Variants in ITSN2 observed in about 807,000 individuals in gnomAD.
ITSN2 encodes the protein intersectin-2.
ITSN2 carries 156 observed loss-of-function variants against 243.7 expected under a neutral mutation model. That is an observed-to-expected ratio of 0.64 (90% CI 0.56 to 0.73). The LOEUF is 0.73. ITSN2 is among the 30% of genes least tolerant of loss of function. ITSN2 has a pLI of 0.00. For missense variants in ITSN2, 1,801 were observed against 1,996.1 expected, an observed-to-expected ratio of 0.90 and a Z score of 1.86; for synonymous variants, 703 against 699.9, an observed-to-expected ratio of 1.00 and a Z score of -0.07.
chr2:24,291,344 G>C (rs1162015372), intron 15 of ITSN2, among the ~76,000 whole-genome samples: 1 of 152,096 alleles, frequency 6.6e-6, no homozygotes, highest in African/African-American at 2.4e-5. Flanking sequence ...GGCCAGGCTG[G>C]TCTCAAACTC....
chr2:24,276,131 T>C (rs1677988044), intron 17 of ITSN2, among the ~76,000 whole-genome samples: 1 of 152,198 alleles, frequency 6.6e-6, no homozygotes, highest in Admixed American at 6.5e-5. Flanking sequence ...TGGTACATCA[T>C]TTTCAATTAA....
At chr2:24,305,764 G>A (rs1293399099) in intron 8 of ITSN2, among the ~76,000 whole-genome samples, 1 of 151,946 alleles carries the variant, frequency 6.6e-6, no homozygotes, top group African/African-American at 2.4e-5. Flanking sequence ...CTTTACCCTT[G>A]TAGGTCTCAG....
Position 24,261,237 on chromosome 2 carries a change from T to G in ITSN2, c.2551A>C (p.Asn851His). Residue 851 changes from asparagine (N) to histidine (H), a missense_variant, in exon 22 of 40, where the codon AAT becomes CAT. By Grantham distance (68) the Asn-to-His change is moderately conservative. Transcript: ENST00000355123. The part of the protein sequence containing the change: ...TSTSSEPLSS[N>H]QPASVTDYQN... ...TAATCAGTCACTGATGCTGGTTGAT[T>G]TGAAGAAAGTGGTCTGCAAATATAA... 3 of 1,611,316 alleles carry G rather than the reference T, an allele frequency of 1.9e-6. No individual in the cohort carries two copies. Among genetic ancestry groups the G allele is most frequent in the Non-Finnish European group, 2.5e-6 (3 of 1,177,900 alleles).
intron 1 of ITSN2, among the ~76,000 whole-genome samples, chr2:24,342,811 C>A (rs917569117): frequency 6.6e-6 from 1 of 151,904 alleles, no homozygotes; most frequent in African/African-American, 2.4e-5. Flanking sequence ...GAAGGGCTGG[C>A]CTGGCACAGT....
chr2:24,342,629 C>T (rs1469710209), intron 1 of ITSN2, among the ~76,000 whole-genome samples: 1 of 151,184 alleles, frequency 6.6e-6, no homozygotes, highest in Non-Finnish European at 1.5e-5. Context: ...ATGACTCAAC[C>T]AGATATGTGC....
intron 9 of ITSN2, among the ~76,000 whole-genome samples, chr2:24,302,946 A>G (rs1277575167): frequency 6.6e-6 from 1 of 152,190 alleles, no homozygotes; most frequent in African/African-American, 2.4e-5. Context: ...CCTACCACCT[A>G]AGGACACTGT....
intron 1 of ITSN2, among the ~76,000 whole-genome samples, chr2:24,355,916 A>C (rs1688403726): frequency 6.6e-6 from 1 of 151,592 alleles, no homozygotes; most frequent in Non-Finnish European, 1.5e-5. Context: ...AAAAAATTAC[A>C]AAAAGGCCAG....
rs1683350304 is a variant in ITSN2, at chr2:24,312,339, A to G, written c.225T>C (p.Asp75=). ...LSDLNKDGKM[D]QQEFSIAMKL... The stretch of plus-strand genomic sequence containing the variant: ...TCATAGCTATGGAGAACTCTTGCTG[A>G]TCCATCTTCCCATCCTTGTTTAGGT... The change falls in exon 5 of 40, where the codon GAT becomes GAC. Residue 75 remains aspartate, a synonymous_variant. Coordinates refer to ENST00000355123, the MANE Select transcript of ITSN2 (RefSeq NM_006277.3). 6.2e-7 allele frequency: 1 copy of G among 1,612,640 alleles called. No homozygotes were observed. The highest frequency in any genetic ancestry group is 8.5e-7 in the Non-Finnish European group (1 of 1,179,250).
chr2:24,211,554 G>A lies in ITSN2; in HGVS notation c.4090-607C>T, dbSNP rs1383456416. On this transcript the variant is annotated intron_variant, in intron 33 of 39. Transcript: ENST00000355123. This position sits in a 1 kb window ranked among gnomAD's most constrained non-coding sequence, Gnocchi z 4.1. ...CGTGTGTGGTCCCTCCAGAAATTAG[G>A]AGCCATCACCAGATGCCCCGTCTGG... 4.6e-5 allele frequency among the ~76,000 whole-genome samples: 7 copies of A among 152,146 alleles called. No homozygotes were observed. The highest frequency in any genetic ancestry group is 7.4e-5 in the Non-Finnish European group (5 of 68,026).
In ITSN2 at chr2:24,340,480, C is replaced by CA. The variant is rs953572108; in HGVS notation, c.-33-12366dup. Reference sequence around the variant, plus strand: ...TGGGTGACAGAACGAAACTCCATCTCAAAAAAAAAAAAAAGTTGAATGTAC... The same window carrying CA: ...TGGGTGACAGAACGAAACTCCATCTCAAAAAAAAAAAAAAAGTTGAATGTAC... On this transcript the variant is annotated intron_variant, in intron 1 of 39. Coordinates refer to ENST00000355123, the MANE Select transcript of ITSN2 (RefSeq NM_006277.3). Among the ~76,000 whole-genome samples the CA allele has an allele frequency of 3.9e-3, 496 of 125,766 alleles. 1 individual carries two copies. Among genetic ancestry groups the CA allele is most frequent in the Middle Eastern group, 8.7e-3 (2 of 230 alleles). The allele number at this position is 125,766 out of a possible 152,430, so 82.5% of individuals were successfully genotyped here.
chr2:24,277,546 T>G (rs1428520082), intron 17 of ITSN2, among the ~76,000 whole-genome samples: 1 of 152,204 alleles, frequency 6.6e-6, no homozygotes, highest in African/African-American at 2.4e-5. Flanking sequence ...TTCTCTAAAT[T>G]CTATTGAAAA....
intron 1 of ITSN2, among the ~76,000 whole-genome samples, chr2:24,359,967 G>C (rs1286432463): frequency 1.3e-5 from 2 of 152,156 alleles, no homozygotes; most frequent in Non-Finnish European, 2.9e-5. Context: ...AGGGGGCCAC[G>C]CCACCCCCGA....
chr2:24,295,546 G>T (rs1331958481), intron 14 of ITSN2, 118 bp downstream of exon 14: 14 of 678,236 alleles, frequency 2.1e-5, no homozygotes, highest in Non-Finnish European at 2.5e-5. Context: ...TGACCTCAGG[G>T]GATCCACCCG....
chr2:24,205,602 C>T (rs528751171), intron 37 of ITSN2: 2 of 342,798 alleles, frequency 5.8e-6, no homozygotes, highest in East Asian at 6.2e-5. Context: ...GTATCCCTCG[C>T]TTATGAGCAG....
intron 24 of ITSN2, among the ~76,000 whole-genome samples, chr2:24,252,801 T>C (rs965844804): frequency 1.3e-5 from 2 of 152,232 alleles, no homozygotes; most frequent in Non-Finnish European, 2.9e-5. Context: ...CAGATAATAG[T>C]ATCTCTATAG....
intron 17 of ITSN2, among the ~76,000 whole-genome samples, chr2:24,278,082 T>G (rs1361671158): frequency 6.6e-6 from 1 of 152,180 alleles, no homozygotes; most frequent in Non-Finnish European, 1.5e-5. Context: ...TATTATTGGA[T>G]GAAGTCAAAA....
chr2:24,337,582 C>T (rs1029849192), intron 1 of ITSN2, among the ~76,000 whole-genome samples: 14 of 148,938 alleles, frequency 9.4e-5, no homozygotes, highest in African/African-American at 3.0e-4. Context: ...GAACTCCTGA[C>T]CTTGTGATCT....
At chr2:24,354,954 C>A (rs922342957) in intron 1 of ITSN2, among the ~76,000 whole-genome samples, 1 of 152,160 alleles carries the variant, frequency 6.6e-6, no homozygotes, top group Non-Finnish European at 1.5e-5. Flanking sequence ...TTTAAGTGAA[C>A]CTTTTGAAAC....
chr2:24,204,114 G>T lies in ITSN2; in HGVS notation c.4936+131C>A, dbSNP rs1000303677. 2 of 903,680 alleles carry T rather than the reference G, an allele frequency of 2.2e-6. No individual in the cohort carries two copies. The highest frequency in any genetic ancestry group is 2.5e-5 in the East Asian group (1 of 40,108). The allele number at this position is 903,680 out of a possible 1,614,324, so 56.0% of individuals were successfully genotyped here. A position where few individuals can be genotyped will look rare whatever the true frequency, so the allele number is the denominator to read the frequency against. ...AAGGCCACCCACCTGCTGCCAAAGC[G>T]AGATGACACAGGCCTGTGTCACTTC... On this transcript the variant is annotated intron_variant, in intron 39 of 39. Transcript: ENST00000355123. The surrounding 1 kb of genome is among the most constrained non-coding windows in gnomAD (Gnocchi z 5.1).
Sources: gnomAD v4.1 joint callset for allele counts (sites outside exome capture counted in the v4.1 genomes callset) on GRCh38, gnomAD v4.1.1 for gene constraint, Gnocchi (gnomAD v3.1) non-coding constraint, MANE v1.5 for transcripts, NCBI Gene and HGNC (gene_info 2026-07-23, HGNC 2026-07-21) for gene names.